PCDHA1: variants seen among roughly 807,000 people sequenced by gnomAD.
PCDHA1 encodes protocadherin alpha-1.
A neutral mutation model predicts 61.3 loss-of-function variants in PCDHA1; 42 were observed. The observed-to-expected ratio is 0.69, with a 90% CI of 0.54 to 0.89. PCDHA1 has a LOEUF of 0.89. Ranked by LOEUF, PCDHA1 falls within the 40% of genes least tolerant of loss-of-function variation. The pLI, the probability that PCDHA1 is intolerant of heterozygous loss-of-function variation, is 0.00. For synonymous variants in PCDHA1, 610 were observed against 553.8 expected (o/e 1.10, Z -1.43); for missense variants, 1,256 against 1,235.3 (o/e 1.02, Z -0.25).
At chr5:140,891,494 C>T (rs548491891) in intron 1 of PCDHA1, among the ~76,000 whole-genome samples, 1 of 151,678 alleles carries the variant, frequency 6.6e-6, no homozygotes, top group South Asian at 2.1e-4. Flanking sequence ...TGAGCATATC[C>T]TCAGCTATAA....
At chr5:140,927,258 T>C in intron 1 of PCDHA1, 1 of 1,613,878 alleles carries the variant, frequency 6.2e-7, no homozygotes, top group Non-Finnish European at 8.5e-7. Context: ...ACAACTCACC[T>C]CTCTTTCCTG....
In PCDHA1 at chr5:140,882,314, C is replaced by G. The variant is rs370330527; in HGVS notation, c.2394+93630C>G. 9 of 1,614,000 alleles carry G rather than the reference C, an allele frequency of 5.6e-6. No individual in the cohort carries two copies. The Admixed American group carries it at 6.7e-5, about 12-fold the overall frequency. On this transcript the variant is annotated intron_variant, in intron 1 of 3. Transcript: ENST00000504120. ...AGGCCCAAGACCGCGGCAACTACTGCTCTGGCTTCTGATCCTCGCAGCCTG... is the reference window on the plus strand; with the variant it reads ...AGGCCCAAGACCGCGGCAACTACTGGTCTGGCTTCTGATCCTCGCAGCCTG...
chr5:140,801,814 C>A (rs1163331311), intron 1 of PCDHA1: 1 of 1,614,124 alleles, frequency 6.2e-7, no homozygotes. Flanking sequence ...GAGGACACTC[C>A]TAAGCATTAT....
chr5:140,836,306 C>T (rs2150257273), intron 1 of PCDHA1: 4 of 1,613,706 alleles, frequency 2.5e-6, no homozygotes, highest in Non-Finnish European at 3.4e-6. Flanking sequence ...ATGAGACGGA[C>T]GCACCGCGCC....
intron 1 of PCDHA1, chr5:140,869,867 C>T (rs1554163562): frequency 6.2e-7 from 1 of 1,609,988 alleles, no homozygotes; most frequent in East Asian, 2.2e-5. Flanking sequence ...ATGGAAAATG[C>T]TGCTAAAGAA....
intron 1 of PCDHA1, chr5:140,929,210 G>C (rs782078369): frequency 1.9e-6 from 3 of 1,614,070 alleles, no homozygotes; most frequent in Non-Finnish European, 2.5e-6. Context: ...CTGTTGCGTG[G>C]GGAGTACAAT....
At chr5:140,883,416 G>T in intron 1 of PCDHA1, 1 of 1,614,158 alleles carries the variant, frequency 6.2e-7, no homozygotes, top group Non-Finnish European at 8.5e-7. Context: ...GGCTCAAATG[G>T]ACAGGTCACC....
In PCDHA1 at chr5:140,920,607, A is replaced by G. The variant is rs185483487; in HGVS notation, c.2395-58342A>G. Among the ~76,000 whole-genome samples the G allele has an allele frequency of 8.0e-3, 1,215 of 152,266 alleles. 5 individuals are homozygous for G. Among genetic ancestry groups the G allele is most frequent in the African/African-American group, 0.019 (784 of 41,544 alleles). On this transcript the variant is annotated intron_variant, in intron 1 of 3. Coordinates refer to ENST00000504120, the MANE Select transcript of PCDHA1 (RefSeq NM_018900.4). ...ACGCCTGTAATCCCAGCACTTTGGG[A>G]GGCCGAGGCGGATGGATCACAAGGT...
At chr5:140,979,820 T>A (rs937223402) in intron 2 of PCDHA1, among the ~76,000 whole-genome samples, 19 of 152,198 alleles carry the variant, frequency 1.2e-4, no homozygotes, top group African/African-American at 4.6e-4. Context: ...AGGATTTAAT[T>A]TTAAAGAAGA....
intron 1 of PCDHA1, chr5:140,829,768 C>G: frequency 1.9e-6 from 3 of 1,613,766 alleles, no homozygotes; most frequent in Non-Finnish European, 2.5e-6. Flanking sequence ...TGGACGAGAA[C>G]GACAACGCGC....
rs142720081 is a variant in PCDHA1, at chr5:141,009,771, T to G, written c.2687T>G (p.Ile896Ser). 1 of 1,614,082 alleles carries G rather than the reference T, an allele frequency of 6.2e-7. No individual in the cohort carries two copies. The change falls in exon 4 of 4, where the codon ATC becomes AGC. Residue 896 changes from isoleucine to serine, a missense_variant. Physicochemically the swap from Ile to Ser is moderately radical, Grantham distance 142. Transcript: ENST00000504120. ...DKFIIPGSPA[I>S]ISIRQEPTNS... ...TTCATTATCCCAGGATCTCCTGCAA[T>G]CATCTCCATCCGGCAGGAGCCTACT...
intron 1 of PCDHA1, among the ~76,000 whole-genome samples, chr5:140,826,108 A>G (rs1252391414): frequency 6.6e-6 from 1 of 152,218 alleles, no homozygotes; most frequent in Non-Finnish European, 1.5e-5. Context: ...CATGCTATTT[A>G]TATATTCCTA....
chr5:141,002,234 C>G (rs2098067276), intron 3 of PCDHA1, among the ~76,000 whole-genome samples: 1 of 152,210 alleles, frequency 6.6e-6, no homozygotes, highest in Non-Finnish European at 1.5e-5. Context: ...TTTCTGGAAG[C>G]TCTTTATTAA....
chr5:140,988,535 A>T (rs1426235004), intron 3 of PCDHA1, among the ~76,000 whole-genome samples: 2 of 152,164 alleles, frequency 1.3e-5, no homozygotes, highest in Non-Finnish European at 2.9e-5. Flanking sequence ...GGCTCCATCC[A>T]TTCATGACTT....
intron 1 of PCDHA1, chr5:140,824,177 T>G: frequency 1.2e-6 from 2 of 1,609,658 alleles, no homozygotes; most frequent in African/African-American, 2.7e-5. Flanking sequence ...TTTTCAAATA[T>G]TAAATGTCAC....
chr5:140,788,030 G>T lies in PCDHA1; in HGVS notation c.1740G>T (p.Leu580=), dbSNP rs1554118089. The T allele has an allele frequency of 6.2e-7, 1 of 1,614,018 alleles. No individual in the cohort carries two copies. The highest frequency in any genetic ancestry group is 8.5e-7 in the Non-Finnish European group (1 of 1,179,900). The change falls in exon 1 of 4, where the codon CTG becomes CTT. Residue 580 remains leucine (L), a synonymous_variant. Coordinates refer to ENST00000504120, the MANE Select transcript of PCDHA1 (RefSeq NM_018900.4). ...VGGTIGAVSE[L]VPRLVGAGHV... is the part of the protein sequence containing the mutation. ...GCACTATTGGTGCAGTCAGTGAGCT[G>T]GTGCCGCGATTGGTGGGTGCGGGTC...
At chr5:140,810,656 G>A (rs1215251146) in intron 1 of PCDHA1, 1 of 143,766 alleles carries the variant, frequency 7.0e-6, no homozygotes, top group African/African-American at 2.7e-5. Context: ...TCTCTAGTCT[G>A]TTGTTTTTCT....
intron 1 of PCDHA1, among the ~76,000 whole-genome samples, chr5:140,925,081 GA>G (rs2082282278): frequency 1.4e-5 from 2 of 146,052 alleles, no homozygotes; most frequent in African/African-American, 2.7e-5. Flanking sequence ...CGCTCATCTG[GA>G]AAGGAAGGAA....
chr5:140,968,262 A>G, intron 1 of PCDHA1: 5 of 1,614,054 alleles, frequency 3.1e-6, no homozygotes, highest in Non-Finnish European at 4.2e-6. Flanking sequence ...CCAGATGAAA[A>G]GGAGAATGCA....
Sources: gnomAD v4.1 joint callset for allele counts (sites outside exome capture counted in the v4.1 genomes callset) on GRCh38, gnomAD v4.1.1 for gene constraint, MANE v1.5 for transcripts, NCBI Gene and HGNC (gene_info 2026-07-23, HGNC 2026-07-21) for gene names.